Variants in CDKAL1 observed in about 807,000 individuals in gnomAD.
CDKAL1 encodes the protein threonylcarbamoyladenosine tRNA methylthiotransferase.
Under a neutral mutation model 68.2 loss-of-function variants are expected in CDKAL1, and 32 were observed. That is an observed-to-expected ratio of 0.47 (90% CI 0.35 to 0.63). The LOEUF is 0.63. CDKAL1 is among the 30% of genes least tolerant of loss of function. The probability of loss-of-function intolerance (pLI) is 0.00; values close to 1 mark genes in which losing one functional copy is unlikely to be tolerated. For missense variants in CDKAL1, 606 were observed against 696.7 expected, an observed-to-expected ratio of 0.87 and a Z score of 1.47; for synonymous variants, 234 against 244.3, an observed-to-expected ratio of 0.96 and a Z score of 0.39.
At chr6:21,032,839 A>G (rs1769371715) in intron 11 of CDKAL1, among the ~76,000 whole-genome samples, 1 of 152,208 alleles carries the variant, frequency 6.6e-6, no homozygotes, top group Non-Finnish European at 1.5e-5. Flanking sequence ...CACCTGTCTC[A>G]GAAACGTAGC....
At chr6:20,901,766 G>GT (rs1256891740) in intron 9 of CDKAL1, among the ~76,000 whole-genome samples, 2 of 148,848 alleles carry the variant, frequency 1.3e-5, no homozygotes, top group Admixed American at 6.7e-5. Flanking sequence ...TTTCCTAGTT[G>GT]TTTTTTGTTT....
At chr6:20,693,129 C>CAAAAAAAAA (rs70990059) in intron 5 of CDKAL1, among the ~76,000 whole-genome samples, 2 of 67,614 alleles carry the variant, frequency 3.0e-5, no homozygotes, top group African/African-American at 1.1e-4. Flanking sequence ...GACTCTGTCT[C>CAAAAAAAAA]AAAAAAAAAA....
intron 9 of CDKAL1, among the ~76,000 whole-genome samples, chr6:20,923,218 G>C (rs1372097850): frequency 6.6e-6 from 1 of 152,100 alleles, no homozygotes; most frequent in Non-Finnish European, 1.5e-5. Context: ...ACCATGCCCA[G>C]CCTACATATA....
At chr6:20,628,115 A>C (rs905397858) in intron 4 of CDKAL1, among the ~76,000 whole-genome samples, 1 of 152,092 alleles carries the variant, frequency 6.6e-6, no homozygotes, top group African/African-American at 2.4e-5. Context: ...TCCTGGCTAT[A>C]ATTTCTTGTA....
intron 4 of CDKAL1, among the ~76,000 whole-genome samples, chr6:20,605,268 G>A (rs1017362175): frequency 6.6e-6 from 1 of 152,204 alleles, no homozygotes; most frequent in African/African-American, 2.4e-5. Flanking sequence ...ATTTCAAGAA[G>A]GAAGGTTTGG....
At chr6:20,811,582 G>A in intron 8 of CDKAL1, among the ~76,000 whole-genome samples, 1 of 152,080 alleles carries the variant, frequency 6.6e-6, no homozygotes, top group East Asian at 1.9e-4. Context: ...TCCCCAGATT[G>A]TGTTGTAAAC....
At chr6:21,215,635 A>G (rs765280253) in intron 15 of CDKAL1, among the ~76,000 whole-genome samples, 1 of 152,178 alleles carries the variant, frequency 6.6e-6, no homozygotes, top group Non-Finnish European at 1.5e-5. Flanking sequence ...GGTAAAAAGA[A>G]TCTGAAATCT....
intron 15 of CDKAL1, 134 bp downstream of exon 15, chr6:21,201,408 A>T (rs1198093560): frequency 1.5e-6 from 1 of 649,856 alleles, no homozygotes; most frequent in Admixed American, 3.5e-5. Flanking sequence ...ATCCTTTCTG[A>T]CAGATTGAAA....
intron 13 of CDKAL1, among the ~76,000 whole-genome samples, chr6:21,148,648 T>A (rs991793123): frequency 6.6e-6 from 1 of 152,206 alleles, no homozygotes; most frequent in Non-Finnish European, 1.5e-5. Context: ...TAGTAACTAC[T>A]GCTTCAGGCT....
At chr6:20,980,390 A>T (rs1279329454) in intron 10 of CDKAL1, among the ~76,000 whole-genome samples, 1 of 151,998 alleles carries the variant, frequency 6.6e-6, no homozygotes, top group Non-Finnish European at 1.5e-5. Context: ...GGCGCCCGCC[A>T]CCATGCCTGG....
intron 5 of CDKAL1, among the ~76,000 whole-genome samples, chr6:20,705,758 T>C (rs888419570): frequency 6.6e-6 from 1 of 152,108 alleles, no homozygotes; most frequent in Non-Finnish European, 1.5e-5. Flanking sequence ...CTAGTACTAG[T>C]TTTTAGCAGA....
intron 11 of CDKAL1, among the ~76,000 whole-genome samples, chr6:21,017,583 A>C (rs1451468422): frequency 1.3e-5 from 2 of 152,212 alleles, no homozygotes; most frequent in East Asian, 3.8e-4. Flanking sequence ...ACCTATGTGC[A>C]CCATATAGTT....
At chr6:20,724,468 G>T (rs1163257765) in intron 5 of CDKAL1, among the ~76,000 whole-genome samples, 2 of 151,918 alleles carry the variant, frequency 1.3e-5, no homozygotes, top group Admixed American at 1.3e-4. Context: ...TGTAATCCCA[G>T]CACTTTGGGA....
At chr6:20,589,586 A>G (rs757965342) in intron 4 of CDKAL1, among the ~76,000 whole-genome samples, 1 of 152,214 alleles carries the variant, frequency 6.6e-6, no homozygotes, top group Non-Finnish European at 1.5e-5. Context: ...TTGATTAGAA[A>G]ATGATTCATT....
At chr6:20,735,010 A>G (rs903280899) in intron 5 of CDKAL1, among the ~76,000 whole-genome samples, 5 of 151,850 alleles carry the variant, frequency 3.3e-5, no homozygotes, top group Admixed American at 6.6e-5. Flanking sequence ...CTGGGATTAC[A>G]GGTGCATGCC....
intron 2 of CDKAL1, among the ~76,000 whole-genome samples, chr6:20,545,143 TA>T (rs1763547998): frequency 6.6e-6 from 1 of 151,922 alleles, no homozygotes; most frequent in South Asian, 2.1e-4. Context: ...CTGGGATCTT[TA>T]GTGAGCTGTA....
chr6:20,542,754 G>A (rs1248077687), intron 2 of CDKAL1, among the ~76,000 whole-genome samples: 1 of 152,178 alleles, frequency 6.6e-6, no homozygotes, highest in Non-Finnish European at 1.5e-5. Context: ...CAGTCAGGAT[G>A]CAAAACATTT....
chr6:20,545,689 C>G (rs901375565), intron 2 of CDKAL1, among the ~76,000 whole-genome samples: 1 of 152,210 alleles, frequency 6.6e-6, no homozygotes, highest in Non-Finnish European at 1.5e-5. Flanking sequence ...GCCCACCTCC[C>G]CAAAGTGCTG....
intron 10 of CDKAL1, among the ~76,000 whole-genome samples, chr6:20,956,541 T>C (rs762542063): frequency 2.0e-5 from 3 of 152,210 alleles, no homozygotes; most frequent in Admixed American, 6.5e-5. Flanking sequence ...TGAAAATGAA[T>C]AACTTTTATT....
Sources: allele counts gnomAD v4.1 joint callset (sites outside exome capture counted in the v4.1 genomes callset), GRCh38; gene constraint gnomAD v4.1.1; transcripts MANE v1.5; gene names NCBI Gene and HGNC (gene_info 2026-07-23, HGNC 2026-07-21).